The following PARD3 variants were observed in gnomAD, a reference collection of about 807,000 sequenced individuals.
PARD3 encodes partitioning defective 3 homolog.
A neutral mutation model predicts 155.4 loss-of-function variants in PARD3; 75 were observed. The ratio of observed to expected loss-of-function variants is 0.48; its 90% CI spans 0.40 to 0.58. PARD3 has a LOEUF of 0.58. Ranked by LOEUF, PARD3 falls within the 20% of genes least tolerant of loss-of-function variation. The pLI, the probability that PARD3 is intolerant of heterozygous loss-of-function variation, is 0.00. For synonymous variants in PARD3, 576 were observed against 610.5 expected, an observed-to-expected ratio of 0.94 and a Z score of 0.83; for missense variants, 1,642 against 1,721.7, an observed-to-expected ratio of 0.95 and a Z score of 0.82.
At chr10:34,542,060 A>G (rs983591172) in intron 2 of PARD3, among the ~76,000 whole-genome samples, 2 of 152,198 alleles carry the variant, frequency 1.3e-5, no homozygotes, top group African/African-American at 2.4e-5. Context: ...TTTAAAGTGA[A>G]GACTAACTGT....
Position 34,368,829 on chromosome 10 carries a change from A to G in PARD3, c.1707+3669T>C, listed in dbSNP as rs539833805. On this transcript the variant is annotated intron_variant, in intron 12 of 24. Coordinates refer to ENST00000374788, the MANE Select transcript of PARD3 (RefSeq NM_001184785.2). ...TCTAGGAAAGCCTATGTATCAATCC[A>G]TGAGCAATGTAAAAAAAAAAAAAAA... Among the ~76,000 whole-genome samples, 106 of 136,558 alleles carry G rather than the reference A, an allele frequency of 7.8e-4. 2 individuals carry two copies. Among genetic ancestry groups the G allele is most frequent in the Middle Eastern group, 7.1e-3 (2 of 282 alleles). The allele number at this position is 136,558 out of a possible 152,430, so 89.6% of individuals were successfully genotyped here.
At chr10:34,605,378 A>C (rs999134262) in intron 2 of PARD3, among the ~76,000 whole-genome samples, 1 of 148,738 alleles carries the variant, frequency 6.7e-6, no homozygotes, top group Non-Finnish European at 1.5e-5. Flanking sequence ...TACTTTTAGT[A>C]GACACGGGGT....
intron 22 of PARD3, among the ~76,000 whole-genome samples, chr10:34,259,291 T>C (rs1042818309): frequency 1.5e-5 from 2 of 136,630 alleles, no homozygotes; most frequent in African/African-American, 5.8e-5. Flanking sequence ...ATTATAGTTC[T>C]GGGGGTCAGA....
intron 17 of PARD3, among the ~76,000 whole-genome samples, chr10:34,336,642 T>C (rs998557481): frequency 1.3e-5 from 2 of 151,082 alleles, no homozygotes; most frequent in Non-Finnish European, 3.0e-5. Flanking sequence ...ATTATTTTAC[T>C]TTTTTTTTGG....
chr10:34,229,414 G>C (rs1952795743), intron 22 of PARD3, among the ~76,000 whole-genome samples: 1 of 151,828 alleles, frequency 6.6e-6, no homozygotes, highest in South Asian at 2.1e-4. Context: ...TTTTATTGTA[G>C]TGTAGAATTT....
intron 1 of PARD3, among the ~76,000 whole-genome samples, chr10:34,733,763 G>A (rs2094860672): frequency 6.6e-6 from 1 of 152,228 alleles, no homozygotes; most frequent in African/African-American, 2.4e-5. Context: ...GCCTCCCAAA[G>A]TGCTGGGATT....
intron 1 of PARD3, among the ~76,000 whole-genome samples, chr10:34,748,265 T>C (rs972715641): frequency 6.6e-6 from 1 of 151,100 alleles, no homozygotes. Context: ...AGGTCAGGAG[T>C]TCAAAACCAG....
intron 22 of PARD3, among the ~76,000 whole-genome samples, chr10:34,150,983 A>G (rs1948751591): frequency 6.6e-6 from 1 of 152,172 alleles, no homozygotes; most frequent in Non-Finnish European, 1.5e-5. Context: ...AGGGAAAGAA[A>G]TTGTATCCTT....
In PARD3 at chr10:34,359,474, A is replaced by G. The variant is rs527950379; in HGVS notation, c.1897-157T>C. 6.6e-4 allele frequency among the ~76,000 whole-genome samples: 101 copies of G among 152,288 alleles called. 1 individual carries two copies. The highest frequency in any genetic ancestry group is 2.4e-3 in the African/African-American group (98 of 41,576). The stretch of plus-strand genomic sequence containing the variant: ...ATTATGCCCAATTGAACGCTGGCAT[A>G]ATAACGTCTAAGCAGCTATTGTAGC... On this transcript the variant is annotated intron_variant, in intron 13 of 24. Coordinates refer to ENST00000374788, the MANE Select transcript of PARD3 (RefSeq NM_001184785.2).
intron 2 of PARD3, among the ~76,000 whole-genome samples, chr10:34,555,343 C>T (rs1290641010): frequency 2.0e-5 from 3 of 152,112 alleles, no homozygotes; most frequent in African/African-American, 7.2e-5. Flanking sequence ...GAACTACGAT[C>T]CCATTCCATC....
chr10:34,353,399 T>C (rs1838407031), intron 14 of PARD3, among the ~76,000 whole-genome samples: 1 of 152,236 alleles, frequency 6.6e-6, no homozygotes, highest in South Asian at 2.1e-4. Flanking sequence ...TGGGATGCTG[T>C]TAATCTATAA....
intron 2 of PARD3, among the ~76,000 whole-genome samples, chr10:34,554,560 G>T (rs1344528382): frequency 6.6e-6 from 1 of 152,052 alleles, no homozygotes; most frequent in Non-Finnish European, 1.5e-5. Context: ...TAAAAGGGAG[G>T]ATATAGATTT....
intron 1 of PARD3, among the ~76,000 whole-genome samples, chr10:34,778,943 T>C (rs1051707880): frequency 6.6e-6 from 1 of 152,224 alleles, no homozygotes; most frequent in Admixed American, 6.5e-5. Context: ...TAGAAAAATC[T>C]AGCATCCTTC....
intron 2 of PARD3, among the ~76,000 whole-genome samples, chr10:34,528,704 C>G (rs531236372): frequency 1.3e-5 from 2 of 152,222 alleles, no homozygotes; most frequent in South Asian, 4.1e-4. Flanking sequence ...CTAAGTTAAG[C>G]CATATAGACT....
At chr10:34,789,338 C>T (rs1841374420) in intron 1 of PARD3, among the ~76,000 whole-genome samples, 1 of 152,108 alleles carries the variant, frequency 6.6e-6, no homozygotes, top group Non-Finnish European at 1.5e-5. Flanking sequence ...TGGGAAGACA[C>T]CGATAAATTA....
At chr10:34,307,435 C>A (rs1206394044) in intron 20 of PARD3, among the ~76,000 whole-genome samples, 1 of 152,126 alleles carries the variant, frequency 6.6e-6, no homozygotes, top group Non-Finnish European at 1.5e-5. Context: ...TGCCTCTCGA[C>A]CTGAAATGCA....
At chr10:34,473,582 T>C (rs1265338998) in intron 3 of PARD3, among the ~76,000 whole-genome samples, 1 of 151,272 alleles carries the variant, frequency 6.6e-6, no homozygotes, top group East Asian at 1.9e-4. Context: ...AGTCCTAGTG[T>C]AGGAGGCAGG....
intron 2 of PARD3, among the ~76,000 whole-genome samples, chr10:34,693,844 T>A (rs923741588): frequency 6.6e-6 from 1 of 152,088 alleles, no homozygotes; most frequent in Non-Finnish European, 1.5e-5. Context: ...AACAAAAGAC[T>A]ACACAGCCAT....
chr10:34,386,157 T>A (rs1359506779), intron 7 of PARD3, among the ~76,000 whole-genome samples: 1 of 152,184 alleles, frequency 6.6e-6, no homozygotes, highest in Admixed American at 6.5e-5. Flanking sequence ...TATACTAGAG[T>A]GAAGCCTATC....
Sources: gnomAD v4.1 joint callset for allele counts (sites outside exome capture counted in the v4.1 genomes callset) on GRCh38, gnomAD v4.1.1 for gene constraint, MANE v1.5 for transcripts, NCBI Gene and HGNC (gene_info 2026-07-23, HGNC 2026-07-21) for gene names.